NFAT5: variants seen among roughly 807,000 people sequenced by gnomAD.
NFAT5 encodes nuclear factor of activated T cells 5.
In NFAT5, 31 loss-of-function variants were observed where a neutral mutation model predicts 166.5. The ratio of observed to expected loss-of-function variants is 0.19; its 90% CI spans 0.14 to 0.25. The LOEUF (loss-of-function observed/expected upper bound fraction) is 0.25, where lower values mean the gene tolerates loss of function less well. Among genes scored for constraint, NFAT5 ranks in the 10% least tolerant of loss-of-function variants. NFAT5 has a pLI of 1.00. For synonymous variants in NFAT5, 612 were observed against 639.7 expected (o/e 0.96, Z 0.65); for missense variants, 1,449 against 1,821.8 (o/e 0.80, Z 3.72).
At chr16:69,577,451 A>G (rs1052988213) in intron 2 of NFAT5, among the ~76,000 whole-genome samples, 4 of 152,214 alleles carry the variant, frequency 2.6e-5, no homozygotes, top group Non-Finnish European at 4.4e-5. Flanking sequence ...AATCTATAAA[A>G]GAACAAAAAA....
chr16:69,600,446 G>A (rs762843980), intron 2 of NFAT5, among the ~76,000 whole-genome samples: 4 of 151,706 alleles, frequency 2.6e-5, no homozygotes, highest in Non-Finnish European at 4.4e-5. Flanking sequence ...AGGAGAGAGT[G>A]GAAACTAGAA....
intron 3 of NFAT5, among the ~76,000 whole-genome samples, chr16:69,646,185 A>T (rs1333324734): frequency 6.6e-6 from 1 of 152,218 alleles, no homozygotes; most frequent in East Asian, 1.9e-4. Context: ...GTACTTTATT[A>T]AGAGAAATCC....
intron 2 of NFAT5, among the ~76,000 whole-genome samples, chr16:69,601,331 G>T (rs1441660701): frequency 1.3e-5 from 2 of 152,026 alleles, no homozygotes. Flanking sequence ...ATTAAATATA[G>T]ATACAATTTG....
intron 2 of NFAT5, among the ~76,000 whole-genome samples, chr16:69,584,136 G>C (rs2031882414): frequency 6.6e-6 from 1 of 152,110 alleles, no homozygotes. Context: ...TGAGGCAGGG[G>C]AATCGTTTGA....
At chr16:69,684,171 A>G (rs1407413649) in intron 10 of NFAT5, among the ~76,000 whole-genome samples, 1 of 151,104 alleles carries the variant, frequency 6.6e-6, no homozygotes, top group Non-Finnish European at 1.5e-5. Context: ...AGGCAGGAGA[A>G]TCACTTGAAC....
At chr16:69,632,093 A>C (rs1473491102) in intron 3 of NFAT5, 1 of 152,204 alleles carries the variant, frequency 6.6e-6, no homozygotes, top group Non-Finnish European at 1.5e-5. Context: ...AATGTCCTAT[A>C]ATCAAATAAG....
At position 69,625,158 on chromosome 16, in the gene NFAT5, T is replaced by C. The variant is rs114468496; in HGVS notation, c.128-1245T>C. 3.0e-3 allele frequency among the ~76,000 whole-genome samples: 450 copies of C among 152,194 alleles called. 2 individuals are homozygous for C. The highest frequency in any genetic ancestry group is 0.01 in the African/African-American group (420 of 41,524). On this transcript the variant is annotated intron_variant, in intron 2 of 14. Coordinates refer to ENST00000349945, the MANE Select transcript of NFAT5 (RefSeq NM_138713.4). ...TTCAGGTGATCCACCCCCTTCAGTC[T>C]CCCGGAGTGCTGGAATTTACAGGCA...
intron 2 of NFAT5, among the ~76,000 whole-genome samples, chr16:69,621,715 A>G (rs1353871230): frequency 3.3e-5 from 5 of 152,170 alleles, no homozygotes; most frequent in African/African-American, 1.2e-4. Flanking sequence ...TCTGTAATCC[A>G]GGCACTTTGG....
chr16:69,606,967 G>A (rs992645898), intron 2 of NFAT5, among the ~76,000 whole-genome samples: 1 of 152,152 alleles, frequency 6.6e-6, no homozygotes, highest in Non-Finnish European at 1.5e-5. Context: ...AATAATGTCC[G>A]TGGAATATCT....
chr16:69,695,032 A>G, intron 13 of NFAT5, 104 bp from the exon 14 acceptor site: 1 of 859,848 alleles, frequency 1.2e-6, no homozygotes, highest in Admixed American at 2.8e-5. Context: ...CCAACAACTA[A>G]TAAATATCTT....
At chr16:69,613,332 C>G (rs1377880836) in intron 2 of NFAT5, among the ~76,000 whole-genome samples, 2 of 152,140 alleles carry the variant, frequency 1.3e-5, no homozygotes, top group Non-Finnish European at 2.9e-5. Flanking sequence ...TCTCTGTATT[C>G]CTGGTAGGAT....
chr16:69,596,951 A>G (rs2032830897), intron 2 of NFAT5, among the ~76,000 whole-genome samples: 1 of 152,142 alleles, frequency 6.6e-6, no homozygotes, highest in Non-Finnish European at 1.5e-5. Context: ...GGTGGGAAAC[A>G]AAGAGGAGTC....
At chr16:69,655,156 A>G (rs1017965349) in intron 5 of NFAT5, among the ~76,000 whole-genome samples, 1 of 152,138 alleles carries the variant, frequency 6.6e-6, no homozygotes, top group African/African-American at 2.4e-5. Flanking sequence ...TCTTATTCAT[A>G]TAGCTGCACT....
intron 7 of NFAT5, among the ~76,000 whole-genome samples, chr16:69,668,067 A>G (rs1421100820): frequency 1.3e-5 from 2 of 152,006 alleles, no homozygotes; most frequent in Non-Finnish European, 2.9e-5. Context: ...CCTGGGTTCA[A>G]CCGATTCTCC....
intron 2 of NFAT5, among the ~76,000 whole-genome samples, chr16:69,617,100 C>T (rs1278725004): frequency 2.0e-5 from 3 of 151,972 alleles, no homozygotes; most frequent in South Asian, 2.1e-4. Flanking sequence ...CCCACCATCA[C>T]GCCCGGCTAA....
chr16:69,695,209 A>C lies in NFAT5; in HGVS notation c.4488A>C (p.Gln1496His). The C allele has an allele frequency of 6.2e-7, 1 of 1,614,224 alleles. No homozygotes were observed. The stretch of plus-strand genomic sequence containing the variant: ...TGATGGCCATAAGTCAGCCAGGCCA[A>C]CCACAAAACGAGGGCCAGCCACCTG... ...DQLMAISQPG[Q>H]PQNEGQPPVT... Residue 1496 changes from glutamine to histidine, a missense_variant, in exon 14 of 15, where the codon CAA (glutamine) becomes CAC (histidine). Transcript: ENST00000349945.
chr16:69,585,499 G>A (rs1197712017), intron 2 of NFAT5, among the ~76,000 whole-genome samples: 3 of 151,986 alleles, frequency 2.0e-5, no homozygotes, highest in Admixed American at 2.0e-4. Flanking sequence ...TGAAAGCAGG[G>A]ACTCAAACAG....
chr16:69,667,336 A>T (rs61310815), intron 7 of NFAT5, among the ~76,000 whole-genome samples: 39,110 of 149,876 alleles, frequency 0.26, 5,490 homozygotes, highest in East Asian at 0.45. Flanking sequence ...TAATACATTT[A>T]AAAAAAAAAC....
At chr16:69,636,044 A>G (rs2034951894) in intron 3 of NFAT5, among the ~76,000 whole-genome samples, 1 of 152,242 alleles carries the variant, frequency 6.6e-6, no homozygotes, top group Non-Finnish European at 1.5e-5. Flanking sequence ...CTTCCTAGAT[A>G]CAATGAGAGT....
Sources: allele counts gnomAD v4.1 joint callset (sites outside exome capture counted in the v4.1 genomes callset), GRCh38; gene constraint gnomAD v4.1.1; transcripts MANE v1.5; gene names NCBI Gene and HGNC (gene_info 2026-07-23, HGNC 2026-07-21).